The following FLT1 variants were observed in gnomAD, a reference collection of about 807,000 sequenced individuals.
FLT1 encodes vascular endothelial growth factor receptor 1.
FLT1 carries 49 observed loss-of-function variants against 156.3 expected under a neutral mutation model. The observed-to-expected ratio is 0.31, with a 90% CI of 0.25 to 0.40. The LOEUF (loss-of-function observed/expected upper bound fraction) is 0.40, where lower values mean the gene tolerates loss of function less well. Among genes scored for constraint, FLT1 ranks in the 10% least tolerant of loss-of-function variants. The probability of loss-of-function intolerance (pLI) is 1.00; values close to 1 mark genes in which losing one functional copy is unlikely to be tolerated. For synonymous variants in FLT1, 594 were observed against 583.8 expected (o/e 1.02, Z -0.25); for missense variants, 1,322 against 1,637.2 (o/e 0.81, Z 3.32).
intron 10 of FLT1, among the ~76,000 whole-genome samples, chr13:28,406,740 G>A (rs1282778017): frequency 1.3e-5 from 2 of 152,004 alleles, no homozygotes; most frequent in African/African-American, 4.8e-5. Flanking sequence ...CGAACCTCTG[G>A]GTTCAAGCAA....
rs191021617 is a variant in FLT1 at position 28,416,904 on chromosome 13, A to T, written c.1436+10255T>A. Among the ~76,000 whole-genome samples, 182 of 152,340 alleles carry T rather than the reference A, an allele frequency of 1.2e-3. 2 individuals are homozygous for T. The highest frequency in any genetic ancestry group is 4.2e-3 in the African/African-American group (176 of 41,568). ...TGACAAGGCAAATGGAACATTAAAG[A>T]CCTAAGAAATTGGAATAACATGCAC... On this transcript the variant is annotated intron_variant, in intron 10 of 29. Transcript: ENST00000282397.
chr13:28,443,018 A>C (rs1478591674), intron 3 of FLT1, among the ~76,000 whole-genome samples: 2 of 152,158 alleles, frequency 1.3e-5, no homozygotes, highest in Non-Finnish European at 2.9e-5. Context: ...TGGTTGTTGA[A>C]AGAGTGAGGA....
intron 26 of FLT1, 77 bp from the exon 27 acceptor site, chr13:28,311,809 G>A: frequency 6.7e-7 from 1 of 1,494,472 alleles, no homozygotes; most frequent in East Asian, 2.3e-5. Context: ...TGTCAACTTT[G>A]ACTATGTCAT....
In FLT1 at chr13:28,427,792, T is replaced by G; in HGVS notation, c.1236A>C (p.Ser412=). 1 of 1,614,028 alleles carries G rather than the reference T, an allele frequency of 6.2e-7. No homozygotes were observed. The highest frequency in any genetic ancestry group is 1.1e-5 in the South Asian group (1 of 91,074). ...TGGCAGTGAGGTTTTTAAACACATT[T>G]GACTGTTTTATGCTCAGCAAGATTG... ...NYTILLSIKQ[S]NVFKNLTATL... Residue 412 remains serine, a synonymous_variant, in exon 9 of 30, where the codon TCA becomes TCC. Coordinates refer to ENST00000282397, the MANE Select transcript of FLT1 (RefSeq NM_002019.4).
chr13:28,359,179 A>AT (rs1448505668), intron 14 of FLT1, among the ~76,000 whole-genome samples: 1 of 152,266 alleles, frequency 6.6e-6, no homozygotes, highest in Non-Finnish European at 1.5e-5. Context: ...TGGTACTGTT[A>AT]TAAAAACAGA....
chr13:28,303,497 C>G lies in FLT1; in HGVS notation c.3816-129G>C, dbSNP rs61763572. On this transcript the variant is annotated intron_variant, in intron 29 of 29. Coordinates refer to ENST00000282397, the MANE Select transcript of FLT1 (RefSeq NM_002019.4). ...CTAGAGTTCATGGTTTTGGAACCCC[C>G]CCCCCCTCAATTGCTGTCAGATTTC... 476 of 797,180 alleles carry G rather than the reference C, an allele frequency of 6.0e-4. 2 individuals are homozygous for G. The African/African-American group carries it at 7.5e-3, about 13-fold the overall frequency. 49.4% of individuals were successfully genotyped at this position (797,180 alleles called of 1,614,324 possible). A position where few individuals can be genotyped will look rare whatever the true frequency, so the allele number is the denominator to read the frequency against.
chr13:28,407,498 A>C (rs939514219), intron 10 of FLT1, among the ~76,000 whole-genome samples: 1 of 152,172 alleles, frequency 6.6e-6, no homozygotes, highest in Non-Finnish European at 1.5e-5. Context: ...ACTTCAGTGC[A>C]TCTCTCTAAA....
intron 10 of FLT1, among the ~76,000 whole-genome samples, chr13:28,422,671 C>G (rs1013868191): frequency 6.6e-6 from 1 of 152,206 alleles, no homozygotes; most frequent in Non-Finnish European, 1.5e-5. Flanking sequence ...AGAAGCCCCC[C>G]ACCATCCCGT....
chr13:28,425,201 T>C (rs989871788), intron 10 of FLT1, among the ~76,000 whole-genome samples: 1 of 152,192 alleles, frequency 6.6e-6, no homozygotes, highest in South Asian at 2.1e-4. Flanking sequence ...GTGTACGTTT[T>C]TGGCAGATAA....
At chr13:28,481,355 C>G (rs1047772634) in intron 1 of FLT1, among the ~76,000 whole-genome samples, 2 of 151,838 alleles carry the variant, frequency 1.3e-5, no homozygotes, top group African/African-American at 4.8e-5. Context: ...TAGAAGATAA[C>G]CCAAATGGAA....
At chr13:28,385,297 G>T (rs1334973142) in intron 13 of FLT1, among the ~76,000 whole-genome samples, 2 of 152,190 alleles carry the variant, frequency 1.3e-5, no homozygotes, top group Non-Finnish European at 2.9e-5. Flanking sequence ...TGCCTAGCTA[G>T]CTAGTTTCCT....
intron 23 of FLT1, among the ~76,000 whole-genome samples, chr13:28,321,259 G>A (rs553428813): frequency 6.6e-6 from 1 of 152,350 alleles, no homozygotes; most frequent in East Asian, 1.9e-4. Flanking sequence ...CAGGCATTAG[G>A]GAAGAGCAGA....
chr13:28,438,175 T>G (rs1231795649), intron 4 of FLT1, 46 bp downstream of exon 4: 1 of 1,591,910 alleles, frequency 6.3e-7, no homozygotes, highest in Admixed American at 1.7e-5. Flanking sequence ...TTCATTATGC[T>G]TATTTGCAGT....
At chr13:28,345,377 C>A in intron 16 of FLT1, 68 bp downstream of exon 16, 1 of 939,816 alleles carries the variant, frequency 1.1e-6, no homozygotes, top group Non-Finnish European at 1.7e-6. Flanking sequence ...TTTGCCTACT[C>A]TAGACATCAG....
At chr13:28,451,189 G>A (rs151317628) in intron 3 of FLT1, among the ~76,000 whole-genome samples, 5,785 of 152,264 alleles carry the variant, frequency 0.038, 341 homozygotes, top group African/African-American at 0.13. Context: ...TTGGGAGGCC[G>A]AGGTGGGAGG....
chr13:28,355,175 C>T (rs1388279351), intron 15 of FLT1, among the ~76,000 whole-genome samples: 2 of 152,168 alleles, frequency 1.3e-5, no homozygotes, highest in South Asian at 4.1e-4. Flanking sequence ...CTGAGGTATA[C>T]GTGGACTCAA....
At chr13:28,360,540 T>C in intron 14 of FLT1, among the ~76,000 whole-genome samples, 1 of 152,208 alleles carries the variant, frequency 6.6e-6, no homozygotes, top group East Asian at 1.9e-4. Context: ...TTTATGACAA[T>C]ATGGATGAAC....
In FLT1 at chr13:28,438,305, G is replaced by A. The variant is rs537466636; in HGVS notation, c.429C>T (p.Pro143=). 13 of 1,612,166 alleles carry A rather than the reference G, an allele frequency of 8.1e-6. No individual in the cohort carries two copies. The highest frequency in any genetic ancestry group is 2.2e-5 in the South Asian group (2 of 91,032). ...TTCCTTCAGTCATGTGTATAATTTCGGGGATTTCACTGTACATCTCTACGA... is the reference window on the plus strand; with the variant it reads ...TTCCTTCAGTCATGTGTATAATTTCAGGGATTTCACTGTACATCTCTACGA... ...RPFVEMYSEI[P]EIIHMTEGRE... is the part of the protein sequence containing the mutation. Residue 143 remains proline, a synonymous_variant, in exon 4 of 30, where the codon CCC becomes CCT. Coordinates refer to ENST00000282397, the MANE Select transcript of FLT1 (RefSeq NM_002019.4).
At chr13:28,477,732 C>T (rs115743348) in intron 1 of FLT1, among the ~76,000 whole-genome samples, 1,797 of 152,308 alleles carry the variant, frequency 0.012, 38 homozygotes, top group African/African-American at 0.04. Flanking sequence ...ATACTCCCCA[C>T]GGGCTTATGT....
Sources: gnomAD v4.1 joint callset for allele counts (sites outside exome capture counted in the v4.1 genomes callset) on GRCh38, gnomAD v4.1.1 for gene constraint, MANE v1.5 for transcripts, NCBI Gene and HGNC (gene_info 2026-07-23, HGNC 2026-07-21) for gene names.